The following ZNF394 variants were observed in gnomAD, a reference collection of about 807,000 sequenced individuals.
The protein encoded by ZNF394 is zinc finger protein 99.
Under a neutral mutation model 21.8 loss-of-function variants are expected in ZNF394, and 19 were observed. The observed-to-expected ratio is 0.87, with a 90% CI of 0.61 to 1.28. The LOEUF (loss-of-function observed/expected upper bound fraction) is 1.28, where lower values mean the gene tolerates loss of function less well. ZNF394 is among the 50% of genes most tolerant of loss of function. The pLI, the probability that ZNF394 is intolerant of heterozygous loss-of-function variation, is 0.00. For synonymous variants in ZNF394, 294 were observed against 273.3 expected (o/e 1.08, Z -0.75); for missense variants, 683 against 708.6 (o/e 0.96, Z 0.41).
exon 2 of ZNF394, chr7:99,486,756 C>A: frequency 6.2e-7 from 1 of 1,614,206 alleles, no homozygotes; most frequent in South Asian, 1.1e-5. Context: ...GCAAACCCTT[C>A]AATCAAAGAT....
chr7:99,499,540 C>T (rs1800449091), intron 1 of ZNF394, 98 bp downstream of exon 1: 3 of 1,165,702 alleles, frequency 2.6e-6, no homozygotes, highest in Non-Finnish European at 3.6e-6. Flanking sequence ...CCAATGTTCA[C>T]ACGAAATGTA....
intron 2 of ZNF394, chr7:99,498,006 G>T (rs187708493): frequency 6.6e-6 from 1 of 152,172 alleles, no homozygotes; most frequent in Non-Finnish European, 1.5e-5. Flanking sequence ...CCAGGAAGGG[G>T]GGACTACTGC....
At chr7:99,499,399 A>G (rs1424921765) in intron 1 of ZNF394, among the ~76,000 whole-genome samples, 7 of 133,522 alleles carry the variant, frequency 5.2e-5, no homozygotes, top group Non-Finnish European at 1.1e-4. Flanking sequence ...GAACAACAAG[A>G]AAAAAAAAAA....
chr7:99,490,640 T>TA (rs1800142746), downstream of ZNF394, among the ~76,000 whole-genome samples: 27 of 147,370 alleles, frequency 1.8e-4, no homozygotes, highest in Non-Finnish European at 2.4e-4. Flanking sequence ...TTTTTTTTTT[T>TA]TAAAAAAAAA....
Position 99,500,159 on chromosome 7 carries a change from G to A in ZNF394, c.-66C>T. The A allele has an allele frequency of 1.4e-6, 2 of 1,474,294 alleles. No individual in the cohort carries two copies. Among genetic ancestry groups the A allele is most frequent in the Non-Finnish European group, 1.8e-6 (2 of 1,113,690 alleles). 91.3% of individuals were successfully genotyped at this position (1,474,294 alleles called of 1,614,324 possible). A position where few individuals can be genotyped will look rare whatever the true frequency, so the allele number is the denominator to read the frequency against. On this transcript the variant is annotated 5_prime_UTR_variant, in exon 1 of 3. Transcript: ENST00000337673. ...CAGGTGAAGAAAGAGCAAACCCAAG[G>A]AACTCATCAGCCGTCAACACCCTCC...
Position 99,494,525 on chromosome 7 carries a change from G to T in ZNF394, c.690C>A (p.Pro230=). ...QLQEAFQGKR[P]LFSKCGSTHE... ...GGGTACTGCCACACTTAGAAAACAG[G>T]GGGCGCTTCCCCTGGAACGCTTCTT... Residue 230 remains proline, a synonymous_variant, in exon 3 of 3, where the codon CCC becomes CCA. Coordinates refer to ENST00000337673, the MANE Select transcript of ZNF394 (RefSeq NM_032164.4). 6.2e-7 allele frequency: 1 copy of T among 1,613,566 alleles called. No individual in the cohort carries two copies.
At chr7:99,495,825 T>C (rs920774992) in intron 2 of ZNF394, among the ~76,000 whole-genome samples, 1 of 152,110 alleles carries the variant, frequency 6.6e-6, no homozygotes, top group Non-Finnish European at 1.5e-5. Flanking sequence ...TTTCACCATG[T>C]TGGTCAGGCT....
chr7:99,494,044 A>G lies in ZNF394; in HGVS notation c.1171T>C (p.Cys391Arg). The change falls in exon 3 of 3, where the codon TGT becomes CGT. Residue 391 changes from cysteine to arginine, a missense_variant. Transcript: ENST00000337673. Reference sequence around the variant, plus strand: ...GCACTCTGGCTGAAGCTTTTCCCACATTCTTGGCAGCCATAGGGTTTCTCA... The same window carrying G: ...GCACTCTGGCTGAAGCTTTTCCCACGTTCTTGGCAGCCATAGGGTTTCTCA... ...TGEKPYGCQE[C>R]GKSFSQSAAL... 1 of 1,614,088 alleles carries G rather than the reference A, an allele frequency of 6.2e-7. No individual in the cohort carries two copies. Among genetic ancestry groups the G allele is most frequent in the Non-Finnish European group, 8.5e-7 (1 of 1,180,032 alleles).
downstream of ZNF394, among the ~76,000 whole-genome samples, chr7:99,492,134 G>C (rs1402701316): frequency 6.6e-6 from 1 of 150,564 alleles, no homozygotes; most frequent in Non-Finnish European, 1.5e-5. Context: ...TAGGCTCCTA[G>C]AATGGGAAAG....
At chr7:99,487,640 C>G (rs147503418) in intron 1 of ZNF394, 1 of 842,992 alleles carries the variant, frequency 1.2e-6, no homozygotes, top group Non-Finnish European at 1.8e-6. Flanking sequence ...AGTGAAGAAA[C>G]GCTTAAAAGG....
In ZNF394 at chr7:99,499,876, T is replaced by A; in HGVS notation, c.218A>T (p.Gln73Leu). The change falls in exon 1 of 3, where the codon CAG (glutamine) becomes CTG (leucine). Residue 73 changes from glutamine to leucine, a missense_variant. Gln to Leu is a moderately radical substitution (Grantham distance 113, BLOSUM62 -2). Around this residue, in one of 3 missense-constraint regions of ZNF394, gnomAD observed 402 missense variants for 373.8 expected, o/e 1.08. Coordinates refer to ENST00000337673, the MANE Select transcript of ZNF394 (RefSeq NM_032164.4). ...SRLHFRQLRYQEVAGPEEALS... is the reference protein window; with the variant it reads ...SRLHFRQLRYLEVAGPEEALS... ...CGCCTCTTCCGGTCCAGCCACCTCC[T>A]GGTAACGCAGCTGCCTAAAGTGCAG... The A allele has an allele frequency of 1.2e-6, 2 of 1,614,162 alleles. No individual in the cohort carries two copies. The highest frequency in any genetic ancestry group is 2.2e-5 in the South Asian group (2 of 91,088).
rs1006881492 is a variant in ZNF394 at position 99,500,107 on chromosome 7, G to T, written c.-14C>A. On this transcript the variant is annotated 5_prime_UTR_variant, in exon 1 of 3. Coordinates refer to ENST00000337673, the MANE Select transcript of ZNF394 (RefSeq NM_032164.4). ...GCTGGAATTCATCTTTCTCCGGCATGTGCTGCCCTTCCTGGAGTCTTCTTT... is the reference window on the plus strand; with the variant it reads ...GCTGGAATTCATCTTTCTCCGGCATTTGCTGCCCTTCCTGGAGTCTTCTTT... The T allele has an allele frequency of 1.3e-6, 2 of 1,529,588 alleles. No homozygotes were observed. The highest frequency in any genetic ancestry group is 2.8e-5 in the African/African-American group (2 of 72,522). The allele number at this position is 1,529,588 out of a possible 1,614,324, so 94.8% of individuals were successfully genotyped here. A position where few individuals can be genotyped will look rare whatever the true frequency, so the allele number is the denominator to read the frequency against.
exon 2 of ZNF394, chr7:99,486,788 G>T: frequency 6.2e-7 from 1 of 1,614,174 alleles, no homozygotes. Flanking sequence ...GGGCATGAGC[G>T]AATTCTCACA....
In ZNF394 at chr7:99,493,417, C is replaced by A; in HGVS notation, c.*112G>T. ...GCTTACAGGCATGCACCACCATGCC[C>A]GGCTCATTTTTGTATTTTTAGTAGA... On this transcript the variant is annotated 3_prime_UTR_variant, in exon 3 of 3. Coordinates refer to ENST00000337673, the MANE Select transcript of ZNF394 (RefSeq NM_032164.4). 1 of 1,090,468 alleles carries A rather than the reference C, an allele frequency of 9.2e-7. No homozygotes were observed. Among genetic ancestry groups the A allele is most frequent in the Non-Finnish European group, 1.3e-6 (1 of 777,214 alleles). The allele number at this position is 1,090,468 out of a possible 1,614,324, so 67.5% of individuals were successfully genotyped here. A position where few individuals can be genotyped will look rare whatever the true frequency, so the allele number is the denominator to read the frequency against.
At chr7:99,487,524 T>C in intron 1 of ZNF394, 1 of 1,572,810 alleles carries the variant, frequency 6.4e-7, no homozygotes, top group East Asian at 2.2e-5. Context: ...GAACTAGAAC[T>C]TATAAACCTC....
In ZNF394 at chr7:99,494,324, T is replaced by C. The variant is rs1343928239; in HGVS notation, c.891A>G (p.Leu297=). The C allele has an allele frequency of 6.8e-6, 11 of 1,614,230 alleles. No individual in the cohort carries two copies. The highest frequency in any genetic ancestry group is 1.1e-5 in the South Asian group (1 of 91,086). Residue 297 remains leucine, a synonymous_variant, in exon 3 of 3, where the codon CTA becomes CTG. Coordinates refer to ENST00000337673, the MANE Select transcript of ZNF394 (RefSeq NM_032164.4). ...QNSARCSNLV[L]CQHIPKAERP... ...TCTCTGCTTTCGGGATGTGCTGACATAGAACAAGGTTGGAACACCTGGCAC... is the reference window on the plus strand; with the variant it reads ...TCTCTGCTTTCGGGATGTGCTGACACAGAACAAGGTTGGAACACCTGGCAC...
At chr7:99,493,115 G>A (rs1800197100), downstream of ZNF394, 2 of 766,718 alleles carry the variant, frequency 2.6e-6, no homozygotes, top group Non-Finnish European at 1.6e-6. Context: ...TCTGTAATGA[G>A]GCTCAGGACA....
chr7:99,498,673 C>T (rs768132627), intron 2 of ZNF394, 43 bp downstream of exon 2: 1 of 1,612,466 alleles, frequency 6.2e-7, no homozygotes, highest in Non-Finnish European at 8.5e-7. Context: ...CAGCCCTTCA[C>T]AAACCACACA....
chr7:99,499,092 A>G (rs1176974900), intron 1 of ZNF394, among the ~76,000 whole-genome samples: 2 of 152,122 alleles, frequency 1.3e-5, no homozygotes, highest in African/African-American at 4.8e-5. Flanking sequence ...AAAAGTAAAC[A>G]AGGCCGGGCG....
Sources: allele counts gnomAD v4.1 joint callset (sites outside exome capture counted in the v4.1 genomes callset), GRCh38; gene constraint gnomAD v4.1.1; regional missense constraint gnomAD v4.1.1; transcripts MANE v1.5; gene names NCBI Gene and HGNC (gene_info 2026-07-23, HGNC 2026-07-21).